INPP4B: variants seen among roughly 807,000 people sequenced by gnomAD.
The protein encoded by INPP4B is inositol polyphosphate-4-phosphatase type II B, also known as inositol polyphosphate 4-phosphatase type II.
INPP4B carries 55 observed loss-of-function variants against 122.5 expected under a neutral mutation model. That is an observed-to-expected ratio of 0.45 (90% CI 0.36 to 0.56). The LOEUF (loss-of-function observed/expected upper bound fraction) is 0.56, where lower values mean the gene tolerates loss of function less well. Among genes scored for constraint, INPP4B ranks in the 20% least tolerant of loss-of-function variants. The pLI is 0.00. For synonymous variants in INPP4B, 403 were observed against 388.7 expected (o/e 1.04, Z -0.43); for missense variants, 1,000 against 1,097.7 (o/e 0.91, Z 1.26).
chr4:142,414,168 T>A (rs924062994), intron 5 of INPP4B, among the ~76,000 whole-genome samples: 1 of 152,128 alleles, frequency 6.6e-6, no homozygotes, highest in Non-Finnish European at 1.5e-5. Flanking sequence ...AGCTTCAGAT[T>A]GTTGGGAAAT....
intron 7 of INPP4B, among the ~76,000 whole-genome samples, chr4:142,324,628 C>A (rs1771650520): frequency 6.6e-6 from 1 of 152,034 alleles, no homozygotes; most frequent in Non-Finnish European, 1.5e-5. Context: ...AGACTTCTAG[C>A]CACAGGGAGA....
Position 142,310,050 on chromosome 4 carries a change from A to C in INPP4B, c.424-4513T>G, listed in dbSNP as rs187411740. Among the ~76,000 whole-genome samples the C allele has an allele frequency of 1.9e-3, 290 of 152,072 alleles. 1 individual carries two copies. The highest frequency in any genetic ancestry group is 6.0e-3 in the African/African-American group (248 of 41,478). ...TTAAGGGGGTCAGAGAAGGTACAGC[A>C]CCATACATATGGCCACAGCTGGCCA... On this transcript the variant is annotated intron_variant, in intron 8 of 25. Coordinates refer to ENST00000262992, the MANE Select transcript of INPP4B (RefSeq NM_001101669.3).
chr4:142,599,042 T>C (rs1739308937), intron 2 of INPP4B, among the ~76,000 whole-genome samples: 1 of 152,168 alleles, frequency 6.6e-6, no homozygotes, highest in African/African-American at 2.4e-5. Context: ...AGCCTGATAA[T>C]TGTGTGTCTG....
At chr4:142,033,089 G>A (rs1270591492) in intron 25 of INPP4B, among the ~76,000 whole-genome samples, 1 of 152,144 alleles carries the variant, frequency 6.6e-6, no homozygotes, top group Non-Finnish European at 1.5e-5. Context: ...AAAAGAAAAG[G>A]AATCTGAACA....
At chr4:142,625,330 C>T (rs1334815020) in intron 2 of INPP4B, among the ~76,000 whole-genome samples, 1 of 152,128 alleles carries the variant, frequency 6.6e-6, no homozygotes, top group East Asian at 1.9e-4. Context: ...CATTCTTATA[C>T]ACCAATAACA....
At chr4:142,137,306 T>C (rs1191459249) in intron 18 of INPP4B, among the ~76,000 whole-genome samples, 1 of 144,526 alleles carries the variant, frequency 6.9e-6, no homozygotes, top group Non-Finnish European at 1.5e-5. Context: ...ATTTAATAAA[T>C]GGTGCTGGGA....
chr4:142,749,818 T>A lies in INPP4B; in HGVS notation c.-253-23917A>T, dbSNP rs576691776. On this transcript the variant is annotated intron_variant, in intron 1 of 25. Transcript: ENST00000262992. ...GTGAAAATTACTGAAACTATAAGTATTCAACATAGAAAATTAAATTAATAC... is the reference window on the plus strand; with the variant it reads ...GTGAAAATTACTGAAACTATAAGTAATCAACATAGAAAATTAAATTAATAC... Among the ~76,000 whole-genome samples the A allele has an allele frequency of 7.9e-5, 12 of 151,960 alleles. No homozygotes were observed. In the East Asian group the frequency reaches 1.9e-3, roughly 24 times the overall value.
intron 1 of INPP4B, among the ~76,000 whole-genome samples, chr4:142,738,692 C>A (rs1767430386): frequency 1.3e-5 from 2 of 151,998 alleles, no homozygotes. Flanking sequence ...TTGAAAGGTT[C>A]TGTATTCCCC....
intron 2 of INPP4B, among the ~76,000 whole-genome samples, chr4:142,653,498 A>C (rs1753470591): frequency 6.6e-6 from 1 of 152,220 alleles, no homozygotes; most frequent in African/African-American, 2.4e-5. Flanking sequence ...AATATCCAGA[A>C]TCTACAAAGA....
intron 2 of INPP4B, among the ~76,000 whole-genome samples, chr4:142,533,649 A>C (rs922057665): frequency 6.6e-6 from 1 of 152,140 alleles, no homozygotes; most frequent in Non-Finnish European, 1.5e-5. Flanking sequence ...TTCAGGAACA[A>C]AGTTAGTGAA....
chr4:142,459,034 A>G (rs1816137873), intron 3 of INPP4B, among the ~76,000 whole-genome samples: 1 of 152,302 alleles, frequency 6.6e-6, no homozygotes, highest in South Asian at 2.1e-4. Context: ...GACAACTCAT[A>G]TGGCTGCAGC....
chr4:142,580,651 T>A (rs1300573497), intron 2 of INPP4B, among the ~76,000 whole-genome samples: 1 of 152,008 alleles, frequency 6.6e-6, no homozygotes, highest in Admixed American at 6.6e-5. Context: ...ACAAAATATG[T>A]ATTGAAAATC....
Position 142,587,230 on chromosome 4 carries a change from A to G in INPP4B, c.-190-124504T>C, listed in dbSNP as rs537311990. On this transcript the variant is annotated intron_variant, in intron 2 of 25. Coordinates refer to ENST00000262992, the MANE Select transcript of INPP4B (RefSeq NM_001101669.3). ...ACAGAAAATGAGAGAAAGAAAGAAG[A>G]TAACACCCCATCCATTTTTAAGAGG... Among the ~76,000 whole-genome samples, 12 of 152,190 alleles carry G rather than the reference A, an allele frequency of 7.9e-5. No homozygotes were observed. In the South Asian group the frequency reaches 1.7e-3, roughly 21 times the overall value.
intron 2 of INPP4B, among the ~76,000 whole-genome samples, chr4:142,524,394 T>C (rs1580281396): frequency 6.6e-6 from 1 of 152,140 alleles, no homozygotes; most frequent in South Asian, 2.1e-4. Context: ...GATTTGCATT[T>C]CTCTGATGGC....
At chr4:142,691,738 T>G (rs1308325778) in intron 2 of INPP4B, among the ~76,000 whole-genome samples, 3 of 152,112 alleles carry the variant, frequency 2.0e-5, no homozygotes, top group Non-Finnish European at 2.9e-5. Context: ...TCTAAACCAC[T>G]GACCTTGGAC....
chr4:142,389,334 T>C (rs1041241421), intron 7 of INPP4B, among the ~76,000 whole-genome samples: 1 of 152,030 alleles, frequency 6.6e-6, no homozygotes. Flanking sequence ...AGTGTAGTTA[T>C]ATATGTGTCA....
chr4:142,746,020 A>C (rs1768688007), intron 1 of INPP4B, among the ~76,000 whole-genome samples: 1 of 151,952 alleles, frequency 6.6e-6, no homozygotes, highest in Non-Finnish European at 1.5e-5. Flanking sequence ...TTAATATAAG[A>C]AGAGATGAAA....
chr4:142,842,699 AATAT>A (rs1174609529), intron 1 of INPP4B, among the ~76,000 whole-genome samples: 4 of 131,840 alleles, frequency 3.0e-5, no homozygotes, highest in Non-Finnish European at 6.3e-5. Flanking sequence ...TATAATATAT[AATAT>A]ATAAATATAA....
chr4:142,136,567 G>C (rs1220833167), intron 18 of INPP4B, among the ~76,000 whole-genome samples: 1 of 152,186 alleles, frequency 6.6e-6, no homozygotes, highest in Non-Finnish European at 1.5e-5. Flanking sequence ...GGAATGAAAA[G>C]CACCAGGTGA....
Sources: allele counts gnomAD v4.1 joint callset (sites outside exome capture counted in the v4.1 genomes callset), GRCh38; gene constraint gnomAD v4.1.1; transcripts MANE v1.5; gene names NCBI Gene and HGNC (gene_info 2026-07-23, HGNC 2026-07-21).